Variants in MYO1E observed in about 807,000 individuals in gnomAD.
MYO1E encodes unconventional myosin-Ie.
MYO1E carries 68 observed loss-of-function variants against 151.1 expected under a neutral mutation model. That is an observed-to-expected ratio of 0.45 (90% CI 0.37 to 0.55). MYO1E has a LOEUF of 0.55. Ranked by LOEUF, MYO1E falls within the 20% of genes least tolerant of loss-of-function variation. The pLI is 0.00. For synonymous variants in MYO1E, 601 were observed against 501.7 expected, an observed-to-expected ratio of 1.20 and a Z score of -2.64; for missense variants, 1,363 against 1,389.3, an observed-to-expected ratio of 0.98 and a Z score of 0.30.
intron 4 of MYO1E, among the ~76,000 whole-genome samples, chr15:59,249,538 G>T (rs2080151514): frequency 6.6e-6 from 1 of 152,116 alleles, no homozygotes; most frequent in African/African-American, 2.4e-5. Flanking sequence ...AAGACTGACA[G>T]GAAACTAGAA....
At chr15:59,362,976 C>CTTT (rs34810328) in intron 1 of MYO1E, among the ~76,000 whole-genome samples, 3,583 of 127,544 alleles carry the variant, frequency 0.028, 216 homozygotes, top group East Asian at 0.054. Context: ...GTATGACTTT[C>CTTT]TTTTTTTTTT....
intron 4 of MYO1E, among the ~76,000 whole-genome samples, chr15:59,239,148 T>A (rs536152691): frequency 2.0e-5 from 3 of 151,312 alleles, no homozygotes; most frequent in East Asian, 3.9e-4. Context: ...AGAGGTTGCA[T>A]TGAGCCAAGA....
At chr15:59,153,407 G>A (rs1196805767) in intron 26 of MYO1E, among the ~76,000 whole-genome samples, 183 bp downstream of exon 26, 3 of 152,220 alleles carry the variant, frequency 2.0e-5, no homozygotes, top group African/African-American at 2.4e-5. Context: ...CTATTAATGT[G>A]ACTGTACCTT....
intron 1 of MYO1E, among the ~76,000 whole-genome samples, chr15:59,284,110 C>T (rs1194999348): frequency 2.0e-5 from 3 of 152,230 alleles, no homozygotes; most frequent in Admixed American, 6.5e-5. Context: ...GATGTCTGCC[C>T]CCTGCCATGT....
chr15:59,341,098 G>A (rs1431031202), intron 1 of MYO1E, among the ~76,000 whole-genome samples: 1 of 151,032 alleles, frequency 6.6e-6, no homozygotes, highest in African/African-American at 2.4e-5. Flanking sequence ...TTTAATTTTT[G>A]GGCATATATA....
intron 26 of MYO1E, among the ~76,000 whole-genome samples, chr15:59,151,990 C>A (rs1309420053): frequency 1.3e-5 from 2 of 151,972 alleles, no homozygotes; most frequent in Non-Finnish European, 2.9e-5. Flanking sequence ...ATCGCTTGAA[C>A]CCGGGAGGCA....
intron 4 of MYO1E, among the ~76,000 whole-genome samples, chr15:59,240,060 G>C (rs1284409913): frequency 8.5e-5 from 13 of 152,210 alleles, no homozygotes; most frequent in Admixed American, 8.5e-4. Flanking sequence ...CTTCCAGGCA[G>C]CCCGTCCTAA....
chr15:59,218,442 GA>G (rs1221710062), intron 9 of MYO1E: 1 of 397,806 alleles, frequency 2.5e-6, no homozygotes, highest in Non-Finnish European at 4.8e-6. Flanking sequence ...CGACAGCCAG[GA>G]AGGAACTCAA....
At chr15:59,317,764 T>C (rs755176148) in intron 1 of MYO1E, among the ~76,000 whole-genome samples, 2 of 152,070 alleles carry the variant, frequency 1.3e-5, no homozygotes, top group Non-Finnish European at 2.9e-5. Flanking sequence ...AGATGAGCAA[T>C]GGAAGAAGAG....
intron 1 of MYO1E, among the ~76,000 whole-genome samples, chr15:59,324,561 G>C (rs1352185596): frequency 1.3e-5 from 2 of 152,162 alleles, no homozygotes; most frequent in Non-Finnish European, 2.9e-5. Flanking sequence ...ACACCTCAGA[G>C]ATGCTGCCAG....
Position 59,217,979 on chromosome 15 carries a change from T to C in MYO1E, c.1019A>G (p.His340Arg). The C allele has an allele frequency of 1.2e-6, 2 of 1,614,232 alleles. No individual in the cohort carries two copies. The highest frequency in any genetic ancestry group is 3.3e-4 in the Middle Eastern group (2 of 6,062). Residue 340 changes from histidine (H) to arginine (R), a missense_variant, in exon 10 of 28, where the codon CAC (histidine) becomes CGC (arginine). His to Arg is a conservative substitution (Grantham distance 29, BLOSUM62 0). Transcript: ENST00000288235. ...GGCCTGCTCTACGTTGAGGGTCACGTGGATGGATTCGGATTTGCCTCCCCA... is the reference window on the plus strand; with the variant it reads ...GGCCTGCTCTACGTTGAGGGTCACGCGGATGGATTCGGATTTGCCTCCCCA... ...SKWGGKSESI[H>R]VTLNVEQACY...
intron 1 of MYO1E, among the ~76,000 whole-genome samples, chr15:59,332,775 CAA>C (rs1196889314): frequency 6.6e-6 from 1 of 152,022 alleles, no homozygotes; most frequent in Non-Finnish European, 1.5e-5. Context: ...AGGCTGGTCT[CAA>C]AGCCCTGAGA....
chr15:59,232,828 A>G (rs558143788), intron 5 of MYO1E, among the ~76,000 whole-genome samples: 9 of 152,320 alleles, frequency 5.9e-5, no homozygotes, highest in African/African-American at 2.2e-4. Context: ...CTAACTGACT[A>G]TGTAACAGCC....
chr15:59,281,105 G>T (rs754199804), intron 1 of MYO1E, among the ~76,000 whole-genome samples: 9 of 152,042 alleles, frequency 5.9e-5, no homozygotes, highest in Non-Finnish European at 1.3e-4. Context: ...TTTCCTCTTC[G>T]CTTTGTAAAG....
intron 1 of MYO1E, among the ~76,000 whole-genome samples, chr15:59,370,960 C>T (rs934777153): frequency 6.6e-6 from 1 of 152,044 alleles, no homozygotes. Context: ...CAAACACATG[C>T]CCAATGGGAA....
intron 1 of MYO1E, among the ~76,000 whole-genome samples, chr15:59,289,625 AAGAC>A (rs1406935526): frequency 1.3e-5 from 2 of 152,214 alleles, no homozygotes; most frequent in East Asian, 1.9e-4. Flanking sequence ...ATCTAGAAAC[AAGAC>A]AGACAGAAAG....
intron 16 of MYO1E, among the ~76,000 whole-genome samples, chr15:59,197,117 C>G (rs1217402975): frequency 6.6e-6 from 1 of 151,260 alleles, no homozygotes; most frequent in Non-Finnish European, 1.5e-5. Context: ...CTCCGCCTCC[C>G]GAGTAGCTGG....
At chr15:59,149,844 T>A (rs567709001) in intron 26 of MYO1E, among the ~76,000 whole-genome samples, 2 of 152,332 alleles carry the variant, frequency 1.3e-5, no homozygotes, top group South Asian at 4.1e-4. Flanking sequence ...TGTTTAGAAC[T>A]TTGATGTATA....
intron 1 of MYO1E, among the ~76,000 whole-genome samples, chr15:59,335,779 G>A (rs1038274793): frequency 2.0e-5 from 3 of 152,064 alleles, no homozygotes; most frequent in African/African-American, 7.2e-5. Context: ...GGAGAGACAC[G>A]GACGCATTCA....
Sources: allele counts gnomAD v4.1 joint callset (sites outside exome capture counted in the v4.1 genomes callset), GRCh38; gene constraint gnomAD v4.1.1; transcripts MANE v1.5; gene names NCBI Gene and HGNC (gene_info 2026-07-23, HGNC 2026-07-21).